PRP4K: variants seen among roughly 807,000 people sequenced by gnomAD.
PRP4K encodes the protein serine/threonine-protein kinase PRP4 homolog.
chr6:4,024,814 GC>G, the PRP4K span, among the ~76,000 whole-genome samples: 1 of 152,102 alleles, frequency 6.6e-6, no homozygotes, highest in Non-Finnish European at 1.5e-5. Flanking sequence ...TATTGGCCAG[GC>G]TGGTCTCAAA....
the PRP4K span, among the ~76,000 whole-genome samples, chr6:4,021,621 G>C: frequency 6.6e-6 from 1 of 152,206 alleles, no homozygotes; most frequent in Non-Finnish European, 1.5e-5. Context: ...TGGGGAGCAG[G>C]CGGCCTTCGA....
At chr6:4,049,109 A>G in the PRP4K span, 1 of 1,601,466 alleles carries the variant, frequency 6.2e-7, no homozygotes, top group Non-Finnish European at 8.5e-7. Flanking sequence ...CTATTATCGT[A>G]AGTTCACATT....
At chr6:4,032,789 C>T in the PRP4K span, 5 of 1,506,508 alleles carry the variant, frequency 3.3e-6, no homozygotes, top group African/African-American at 5.6e-5. Flanking sequence ...AGCTTTTTAC[C>T]AGTGCATGAG....
the PRP4K span, among the ~76,000 whole-genome samples, chr6:4,026,344 C>A: frequency 4.4e-5 from 6 of 137,710 alleles, no homozygotes; most frequent in African/African-American, 8.2e-5. Flanking sequence ...GTTCTGCCAC[C>A]CAGGCTGGAG....
At chr6:4,046,781 C>T in the PRP4K span, among the ~76,000 whole-genome samples, 5 of 151,964 alleles carry the variant, frequency 3.3e-5, 1 homozygote, top group East Asian at 5.8e-4. Context: ...TCTCAGCCTC[C>T]CAAGTAGCTT....
chr6:4,064,289 C>CT, the PRP4K span: 2 of 152,322 alleles, frequency 1.3e-5, no homozygotes, highest in African/African-American at 4.8e-5. Context: ...TATTTATGTA[C>CT]TGTTTTATGG....
chr6:4,024,192 G>T, the PRP4K span, among the ~76,000 whole-genome samples: 1 of 151,982 alleles, frequency 6.6e-6, no homozygotes, highest in African/African-American at 2.4e-5. Flanking sequence ...AAGTATTTTT[G>T]TAGAGGCAGA....
the PRP4K span, among the ~76,000 whole-genome samples, chr6:4,024,864 A>G: frequency 6.6e-6 from 1 of 152,094 alleles, no homozygotes; most frequent in African/African-American, 2.4e-5. Flanking sequence ...CAGCCTCCCA[A>G]AAGTGTTGGG....
At chr6:4,064,213 C>T in the PRP4K span, 2 of 152,440 alleles carry the variant, frequency 1.3e-5, no homozygotes, top group South Asian at 4.1e-4. Context: ...AAATGTTTTG[C>T]CATTATTAAG....
chr6:4,024,595 G>A, the PRP4K span, among the ~76,000 whole-genome samples: 9 of 152,072 alleles, frequency 5.9e-5, no homozygotes, highest in Non-Finnish European at 1.2e-4. Context: ...AACACTGGTG[G>A]TTGGTGATTG....
chr6:4,045,088 C>T, the PRP4K span, among the ~76,000 whole-genome samples: 1 of 151,974 alleles, frequency 6.6e-6, no homozygotes, highest in African/African-American at 2.4e-5. Context: ...GTCTCGATCT[C>T]CTGACCTCGT....
chr6:4,057,747 T>G, the PRP4K span, among the ~76,000 whole-genome samples: 8 of 137,062 alleles, frequency 5.8e-5, no homozygotes, highest in African/African-American at 2.2e-4. Context: ...GGGCCATAAC[T>G]TAGCTTTTTT....
chr6:4,060,044 A>C, the PRP4K span, among the ~76,000 whole-genome samples: 2 of 152,368 alleles, frequency 1.3e-5, no homozygotes, highest in African/African-American at 4.8e-5. This position sits in a 1 kb window ranked among gnomAD's most constrained non-coding sequence, Gnocchi z 4.7. Flanking sequence ...TGAATAGATG[A>C]TGATGATACA....
chr6:4,043,178 A>T, the PRP4K span, among the ~76,000 whole-genome samples: 2 of 152,192 alleles, frequency 1.3e-5, no homozygotes, highest in African/African-American at 2.4e-5. Flanking sequence ...CACATAGCAA[A>T]CCATAAATCA....
the PRP4K span, among the ~76,000 whole-genome samples, chr6:4,041,746 A>C: frequency 9.2e-5 from 14 of 152,236 alleles, no homozygotes; most frequent in South Asian, 2.1e-4. Context: ...AACCCCCCAC[A>C]CACACACACA....
the PRP4K span, chr6:4,052,601 A>T: frequency 1.3e-6 from 1 of 748,908 alleles, no homozygotes; most frequent in Non-Finnish European, 2.1e-6. Context: ...GGTGGTTCTT[A>T]CATATTTTTA....
At chr6:4,037,882 G>A in the PRP4K span, among the ~76,000 whole-genome samples, 1 of 149,374 alleles carries the variant, frequency 6.7e-6, no homozygotes, top group Non-Finnish European at 1.5e-5. Flanking sequence ...TAACCAGCAA[G>A]GTAGATCATG....
At chr6:4,032,106 G>A in the PRP4K span, 1 of 1,612,930 alleles carries the variant, frequency 6.2e-7, no homozygotes, top group South Asian at 1.1e-5. Flanking sequence ...ACATAGGTCT[G>A]ATAAAAAGAA....
the PRP4K span, chr6:4,057,333 C>T: frequency 1.6e-5 from 13 of 816,320 alleles, no homozygotes; most frequent in African/African-American, 2.3e-4. Context: ...GGGTCTTTCC[C>T]TTTTCTGGTG....
Sources: gnomAD v4.1 joint callset for allele counts (sites outside exome capture counted in the v4.1 genomes callset) on GRCh38, gnomAD v4.1.1 for gene constraint, Gnocchi (gnomAD v3.1) non-coding constraint, MANE v1.5 for transcripts, NCBI Gene and HGNC (gene_info 2026-07-23, HGNC 2026-07-21) for gene names.